SIM2: variants seen among roughly 807,000 people sequenced by gnomAD.
SIM2 encodes the protein single-minded homolog 2.
In SIM2, 28 loss-of-function variants were observed where a neutral mutation model predicts 64.8. That is an observed-to-expected ratio of 0.43 (90% CI 0.32 to 0.59). SIM2 has a LOEUF of 0.59. SIM2 is among the 20% of genes least tolerant of loss of function. The pLI is 0.07. For synonymous variants in SIM2, 408 were observed against 391.1 expected, an observed-to-expected ratio of 1.04 and a Z score of -0.51; for missense variants, 847 against 871.4, an observed-to-expected ratio of 0.97 and a Z score of 0.35.
At position 36,726,226 on chromosome 21, in the gene SIM2, G is replaced by A. The variant is rs768360099; in HGVS notation, c.651G>A (p.Leu217=). The change falls in exon 6 of 11, where the codon CTG becomes CTA. Residue 217 remains leucine (L), a synonymous_variant. Transcript: ENST00000290399. The surrounding 1 kb of genome is among the most constrained non-coding windows in gnomAD (Gnocchi z 4.5). ...GGCTGGTGGCCGTGGGCCAGTCGCT[G>A]CCACCCAGTGCCATCACCGAGATCA... ...IVGLVAVGQS[L]PPSAITEIKL... 1.9e-6 allele frequency: 3 copies of A among 1,613,738 alleles called. No homozygotes were observed. Among genetic ancestry groups the A allele is most frequent in the African/African-American group, 1.3e-5 (1 of 75,034 alleles).
Position 36,745,851 on chromosome 21 carries a change from C to A in SIM2, c.1576+715C>A. 1 of 1,303,622 alleles carries A rather than the reference C, an allele frequency of 7.7e-7. No homozygotes were observed. Among genetic ancestry groups the A allele is most frequent in the Non-Finnish European group, 1.0e-6 (1 of 988,522 alleles). The allele number at this position is 1,303,622 out of a possible 1,614,324, so 80.8% of individuals were successfully genotyped here. A position where few individuals can be genotyped will look rare whatever the true frequency, so the allele number is the denominator to read the frequency against. ...AGCTCCCCAGGACGCAGACTGACTC[C>A]TGTTTGCTCGCTGGACCAACCCCAG... is the stretch of plus-strand genomic sequence containing the variant. On this transcript the variant is annotated intron_variant, in intron 10 of 10. Coordinates refer to ENST00000290399, the MANE Select transcript of SIM2 (RefSeq NM_005069.6). This position sits in a 1 kb window ranked among gnomAD's most constrained non-coding sequence, Gnocchi z 4.8.
intron 2 of SIM2, chr21:36,710,104 G>T (rs755788533): frequency 9.8e-5 from 15 of 153,802 alleles, no homozygotes; most frequent in Non-Finnish European, 1.9e-4. Flanking sequence ...GAGCCAACGC[G>T]TCCTGCCTTG....
rs540183011 is a variant in SIM2, at chr21:36,723,249, G to T, written c.543+119G>T. 18 of 779,594 alleles carry T rather than the reference G, an allele frequency of 2.3e-5. No individual in the cohort carries two copies. The East Asian group carries it at 3.2e-4, about 14-fold the overall frequency. The allele number at this position is 779,594 out of a possible 1,614,324, so 48.3% of individuals were successfully genotyped here. On this transcript the variant is annotated intron_variant, in intron 5 of 10. Coordinates refer to ENST00000290399, the MANE Select transcript of SIM2 (RefSeq NM_005069.6). ...AACTCGTCATCCCCACTAATGTAGA[G>T]CTCTCCAGCAACGTGGTGCACAGTC...
At chr21:36,708,593 G>T (rs542011512) in intron 1 of SIM2, among the ~76,000 whole-genome samples, 2 of 152,326 alleles carry the variant, frequency 1.3e-5, no homozygotes, top group Admixed American at 1.3e-4. Flanking sequence ...GACCGCGCTC[G>T]TGGGGCGCCT....
chr21:36,717,963 C>A (rs775999151), intron 3 of SIM2, among the ~76,000 whole-genome samples: 12 of 152,172 alleles, frequency 7.9e-5, no homozygotes, highest in African/African-American at 2.9e-4. Context: ...TTCAGGGAGG[C>A]GAATGTCCGT....
rs752104701 is a variant in SIM2 at position 36,709,280 on chromosome 21, A to C, written c.258+30A>C. The C allele has an allele frequency of 3.9e-6, 6 of 1,526,218 alleles. No individual in the cohort carries two copies. The South Asian group carries it at 4.7e-5, about 12-fold the overall frequency. 94.5% of individuals were successfully genotyped at this position (1,526,218 alleles called of 1,614,324 possible). A position where few individuals can be genotyped will look rare whatever the true frequency, so the allele number is the denominator to read the frequency against. ...AGCGGCCTCGCCGGGGGAGGAGCGC[A>C]GCCGCCGCAGGCTCCCTTCCCACCC... On this transcript the variant is annotated intron_variant, in intron 2 of 10. Transcript: ENST00000290399.
chr21:36,712,409 A>G lies in SIM2; in HGVS notation c.259-124A>G. On this transcript the variant is annotated intron_variant, in intron 2 of 10. Coordinates refer to ENST00000290399, the MANE Select transcript of SIM2 (RefSeq NM_005069.6). ...TTAAGACCCTGGGCTTCATTTTTGC[A>G]TTTAGCAAGTATGTGTTGATGGTCA... The G allele has an allele frequency of 3.0e-6, 2 of 659,222 alleles. 1 individual carries two copies. The highest frequency in any genetic ancestry group is 4.5e-5 in the South Asian group (2 of 44,718). 40.8% of individuals were successfully genotyped at this position (659,222 alleles called of 1,614,324 possible). A position where few individuals can be genotyped will look rare whatever the true frequency, so the allele number is the denominator to read the frequency against.
At chr21:36,734,087 C>T (rs1399980756) in intron 7 of SIM2, among the ~76,000 whole-genome samples, 1 of 152,160 alleles carries the variant, frequency 6.6e-6, no homozygotes, top group African/African-American at 2.4e-5. Flanking sequence ...GGGGCAGGAC[C>T]AAAGTCCAGC....
At chr21:36,711,063 GTTA>G (rs1459995299) in intron 2 of SIM2, among the ~76,000 whole-genome samples, 1 of 152,202 alleles carries the variant, frequency 6.6e-6, no homozygotes, top group Non-Finnish European at 1.5e-5. Flanking sequence ...CGTCTTTGCA[GTTA>G]TTATACACGT....
At position 36,726,413 on chromosome 21, in the gene SIM2, A is replaced by G. The variant is rs1479631968; in HGVS notation, c.743+95A>G. On this transcript the variant is annotated intron_variant, in intron 6 of 10. Coordinates refer to ENST00000290399, the MANE Select transcript of SIM2 (RefSeq NM_005069.6). The surrounding 1 kb of genome is among the most constrained non-coding windows in gnomAD (Gnocchi z 4.5). Reference sequence around the variant, plus strand: ...AAGCTGCCATCTTGGCCAAATCATAACAAGGAATAAGTCATAATAGGAATG... The same window carrying G: ...AAGCTGCCATCTTGGCCAAATCATAGCAAGGAATAAGTCATAATAGGAATG... 9 of 1,076,302 alleles carry G rather than the reference A, an allele frequency of 8.4e-6. No homozygotes were observed. The highest frequency in any genetic ancestry group is 1.5e-5 in the South Asian group (1 of 68,640). 66.7% of individuals were successfully genotyped at this position (1,076,302 alleles called of 1,614,324 possible).
In SIM2 at chr21:36,747,053, A is replaced by G. The variant is rs1262410071; in HGVS notation, c.1577-612A>G. On this transcript the variant is annotated intron_variant, in intron 10 of 10. Transcript: ENST00000290399. The surrounding 1 kb of genome is among the most constrained non-coding windows in gnomAD (Gnocchi z 4.5). ...AACAAACAAACAAACAAAGACAAAA[A>G]AAACCCACAAGCCAGGGAGCTACTT... is the stretch of plus-strand genomic sequence containing the variant. Among the ~76,000 whole-genome samples, 3 of 152,116 alleles carry G rather than the reference A, an allele frequency of 2.0e-5. No homozygotes were observed. Among genetic ancestry groups the G allele is most frequent in the African/African-American group, 7.2e-5 (3 of 41,384 alleles).
chr21:36,736,915 T>C (rs1369868898), intron 7 of SIM2, among the ~76,000 whole-genome samples: 1 of 151,924 alleles, frequency 6.6e-6, no homozygotes, highest in Non-Finnish European at 1.5e-5. Context: ...CTTTCGTTCT[T>C]TCTCTCTCTT....
intron 3 of SIM2, among the ~76,000 whole-genome samples, chr21:36,716,825 C>T (rs1370939736): frequency 2.0e-5 from 3 of 151,532 alleles, no homozygotes; most frequent in Non-Finnish European, 4.4e-5. Flanking sequence ...AAGGCTGATG[C>T]ATGAGACCCA....
chr21:36,714,676 TC>T (rs1430701063), intron 3 of SIM2, among the ~76,000 whole-genome samples: 4 of 152,188 alleles, frequency 2.6e-5, no homozygotes, highest in African/African-American at 9.7e-5. Context: ...TCCTGGCCCA[TC>T]AGGAGGTACT....
In SIM2 at chr21:36,741,768, G is replaced by A. The variant is rs766826389; in HGVS notation, c.902G>A (p.Arg301Gln). 3.2e-5 allele frequency: 51 copies of A among 1,612,978 alleles called. No individual in the cohort carries two copies. In the East Asian group the frequency reaches 5.8e-4, roughly 18 times the overall value. The change falls in exon 8 of 11, where the codon CGG (arginine) becomes CAG (glutamine). Residue 301 changes from arginine to glutamine, a missense_variant. Coordinates refer to ENST00000290399, the MANE Select transcript of SIM2 (RefSeq NM_005069.6). ...TTKYYRLLSK[R>Q]GGWVWVQSYA... ...AAGTACTACCGGCTGCTGTCCAAGC[G>A]GGGCGGCTGGGTGTGGGTGCAGAGC... is the stretch of plus-strand genomic sequence containing the variant.
chr21:36,744,738 C>G lies in SIM2; in HGVS notation c.1178C>G (p.Ser393Trp). ...TTCTTTGCCATGCAGCAATACAGCT[C>G]GTTCCAAATGGACAAACTGGAATGC... ...TNPYPPQQYS[S>W]FQMDKLECGQ... is the part of the protein sequence containing the mutation. The change falls in exon 10 of 11, where the codon TCG (serine) becomes TGG (tryptophan). Residue 393 changes from serine to tryptophan, a missense_variant. Transcript: ENST00000290399. The G allele has an allele frequency of 6.9e-6, 11 of 1,602,278 alleles. No individual in the cohort carries two copies. The highest frequency in any genetic ancestry group is 9.4e-6 in the Non-Finnish European group (11 of 1,174,146).
At chr21:36,715,072 T>G (rs1222714597) in intron 3 of SIM2, among the ~76,000 whole-genome samples, 1 of 152,220 alleles carries the variant, frequency 6.6e-6, no homozygotes, top group Admixed American at 6.5e-5. Context: ...ATCATTTGCA[T>G]AGAGCAACTG....
At chr21:36,700,018 G>A in intron 1 of SIM2, 97 bp downstream of exon 1, 1 of 1,314,324 alleles carries the variant, frequency 7.6e-7, no homozygotes, top group Non-Finnish European at 1.0e-6. Context: ...GGTTGCCGCG[G>A]CCTGGCGTCC....
chr21:36,722,484 G>T (rs192624915), intron 4 of SIM2, among the ~76,000 whole-genome samples: 2 of 152,296 alleles, frequency 1.3e-5, no homozygotes, highest in Non-Finnish European at 2.9e-5. Flanking sequence ...TAGAGTGCTG[G>T]TGTCCCTTCC....
Sources: gnomAD v4.1 joint callset for allele counts (sites outside exome capture counted in the v4.1 genomes callset) on GRCh38, gnomAD v4.1.1 for gene constraint, Gnocchi (gnomAD v3.1) non-coding constraint, MANE v1.5 for transcripts, NCBI Gene and HGNC (gene_info 2026-07-23, HGNC 2026-07-21) for gene names.